The following IQCM variants were observed in gnomAD, a reference collection of about 807,000 sequenced individuals.
The protein encoded by IQCM is IQ domain-containing protein M.
IQCM carries 45 observed loss-of-function variants against 57.6 expected under a neutral mutation model. The ratio of observed to expected loss-of-function variants is 0.78; its 90% CI spans 0.62 to 1.00. IQCM has a LOEUF of 1.00. IQCM is among the 50% of genes least tolerant of loss of function. The pLI is 0.00. For synonymous variants in IQCM, 148 were observed against 158.9 expected (o/e 0.93, Z 0.51); for missense variants, 468 against 511.6 (o/e 0.91, Z 0.82).
chr4:149,753,972 G>GA (rs202198927), intron 2 of IQCM, among the ~76,000 whole-genome samples: 5 of 150,610 alleles, frequency 3.3e-5, no homozygotes, highest in Admixed American at 6.6e-5. Context: ...CAGAAATGAA[G>GA]AAAAAAAAAG....
intron 10 of IQCM, among the ~76,000 whole-genome samples, chr4:149,555,761 C>T (rs1351463280): frequency 1.3e-5 from 2 of 152,112 alleles, no homozygotes; most frequent in Non-Finnish European, 2.9e-5. Flanking sequence ...TAGAAAAGTT[C>T]CCTCTTGGAA....
intron 7 of IQCM, among the ~76,000 whole-genome samples, chr4:149,659,564 T>C (rs1759975913): frequency 6.6e-6 from 1 of 152,080 alleles, no homozygotes; most frequent in Non-Finnish European, 1.5e-5. Context: ...GACATCACAC[T>C]ACCTGACTTC....
chr4:149,353,824 C>T (rs1728736492), intron 13 of IQCM, among the ~76,000 whole-genome samples: 1 of 152,092 alleles, frequency 6.6e-6, no homozygotes, highest in South Asian at 2.1e-4. Flanking sequence ...CACAAAGTAG[C>T]AGATGTTTAA....
chr4:149,777,161 T>A (rs1771167889), intron 2 of IQCM, among the ~76,000 whole-genome samples: 1 of 152,242 alleles, frequency 6.6e-6, no homozygotes, highest in South Asian at 2.1e-4. Context: ...TACTAAAATC[T>A]TTCCTTTCAG....
chr4:149,748,515 CTCT>C (rs985547875), intron 2 of IQCM, among the ~76,000 whole-genome samples: 2 of 152,164 alleles, frequency 1.3e-5, no homozygotes, highest in African/African-American at 4.8e-5. Context: ...CTAAAATACA[CTCT>C]TTTTTTCACC....
chr4:149,634,332 T>C (rs931219008), intron 7 of IQCM, among the ~76,000 whole-genome samples: 1 of 152,188 alleles, frequency 6.6e-6, no homozygotes, highest in Non-Finnish European at 1.5e-5. Context: ...CTGATCCTGA[T>C]ATGCTAACAT....
At chr4:149,662,182 T>G (rs2150156718) in intron 7 of IQCM, among the ~76,000 whole-genome samples, 1 of 152,210 alleles carries the variant, frequency 6.6e-6, no homozygotes, top group South Asian at 2.1e-4. Flanking sequence ...ATTTCCCTTT[T>G]AATTTCCTCA....
intron 8 of IQCM, among the ~76,000 whole-genome samples, chr4:149,602,614 C>T (rs977698948): frequency 2.0e-5 from 3 of 151,682 alleles, no homozygotes; most frequent in East Asian, 1.9e-4. Context: ...TTCCATAACC[C>T]CTGATGTCTT....
chr4:149,652,030 A>G (rs1381237318), intron 7 of IQCM, among the ~76,000 whole-genome samples: 2 of 152,220 alleles, frequency 1.3e-5, no homozygotes, highest in African/African-American at 2.4e-5. Context: ...TATTCACAAT[A>G]GCAAAGACTT....
At chr4:149,355,873 G>T (rs1348016879) in intron 13 of IQCM, among the ~76,000 whole-genome samples, 1 of 151,992 alleles carries the variant, frequency 6.6e-6, no homozygotes, top group Non-Finnish European at 1.5e-5. Context: ...GTGTAAAAGT[G>T]TTCTTATTTC....
intron 9 of IQCM, among the ~76,000 whole-genome samples, chr4:149,585,582 TTC>T (rs1339665407): frequency 2.0e-5 from 3 of 151,772 alleles, no homozygotes; most frequent in South Asian, 2.1e-4. Flanking sequence ...TCTTTCATAT[TTC>T]TCTCTCTCTT....
intron 7 of IQCM, among the ~76,000 whole-genome samples, chr4:149,656,890 G>T (rs1275889397): frequency 6.6e-6 from 1 of 152,116 alleles, no homozygotes; most frequent in Non-Finnish European, 1.5e-5. Flanking sequence ...TTAAGGAGAA[G>T]CAAAGAGAAC....
chr4:149,586,750 T>G (rs2654810), intron 9 of IQCM, among the ~76,000 whole-genome samples: 32,421 of 151,620 alleles, frequency 0.21, 4,337 homozygotes, highest in Non-Finnish European at 0.29. Flanking sequence ...GAATTTTCAT[T>G]TGATTCTTTT....
intron 13 of IQCM, among the ~76,000 whole-genome samples, chr4:149,397,952 G>T (rs1732346768): frequency 1.3e-5 from 2 of 151,728 alleles, no homozygotes; most frequent in African/African-American, 4.8e-5. Flanking sequence ...GTTTATTTTT[G>T]TTGCTTGTAC....
At chr4:149,402,936 C>A (rs549420925) in intron 13 of IQCM, among the ~76,000 whole-genome samples, 1 of 151,936 alleles carries the variant, frequency 6.6e-6, no homozygotes, top group Non-Finnish European at 1.5e-5. Flanking sequence ...CAAGTTCTCT[C>A]AACTCTATCA....
intron 9 of IQCM, among the ~76,000 whole-genome samples, chr4:149,565,566 A>C (rs562519631): frequency 1.3e-5 from 2 of 152,304 alleles, no homozygotes; most frequent in African/African-American, 4.8e-5. Context: ...AATATCATTC[A>C]AGAGAAAATT....
chr4:149,420,450 C>T (rs140230318), intron 13 of IQCM, among the ~76,000 whole-genome samples: 13 of 151,796 alleles, frequency 8.6e-5, no homozygotes, highest in South Asian at 2.1e-4. Flanking sequence ...ACACAGGGAG[C>T]GAAATAACAA....
chr4:149,514,642 AG>A (rs1250348952), intron 12 of IQCM: 2 of 152,234 alleles, frequency 1.3e-5, no homozygotes, highest in East Asian at 3.9e-4. Context: ...GTTGTTTTTC[AG>A]TCTGTTAATG....
In IQCM at chr4:149,412,810, T is replaced by C. The variant is rs75986740; in HGVS notation, c.1390+20586A>G. ...ATGTTTTAGATTTAGTTAATGTATG[T>C]GAAGGAGTTTCCAGTCCAGAAGGAG... On this transcript the variant is annotated intron_variant, in intron 13 of 13. Coordinates refer to ENST00000636793, the MANE Select transcript of IQCM (RefSeq NM_001363507.2). 7.0e-4 allele frequency among the ~76,000 whole-genome samples: 106 copies of C among 152,274 alleles called. 1 individual carries two copies. The East Asian group carries it at 0.02, about 28-fold the overall frequency.
Sources: gnomAD v4.1 joint callset for allele counts (sites outside exome capture counted in the v4.1 genomes callset) on GRCh38, gnomAD v4.1.1 for gene constraint, MANE v1.5 for transcripts, NCBI Gene and HGNC (gene_info 2026-07-23, HGNC 2026-07-21) for gene names.